The following VWA8 variants were observed in gnomAD, a reference collection of about 807,000 sequenced individuals.
VWA8 encodes von Willebrand factor A domain-containing protein 8.
Under a neutral mutation model 241.5 loss-of-function variants are expected in VWA8, and 221 were observed. The observed-to-expected ratio is 0.91, with a 90% confidence interval of 0.82 to 1.02. The LOEUF is 1.02. Among genes scored for constraint, VWA8 ranks in the 50% least tolerant of loss-of-function variants. The probability of loss-of-function intolerance (pLI) is 0.00; values close to 1 mark genes in which losing one functional copy is unlikely to be tolerated. For synonymous variants in VWA8, 852 were observed against 827.1 expected, an observed-to-expected ratio of 1.03 and a Z score of -0.52; for missense variants, 2,322 against 2,328.7, an observed-to-expected ratio of 1.00 and a Z score of 0.06.
chr13:41,894,226 T>C (rs114459819), intron 4 of VWA8, among the ~76,000 whole-genome samples: 174 of 152,304 alleles, frequency 1.1e-3, no homozygotes, highest in African/African-American at 4.0e-3. Context: ...GCAGCTCCAC[T>C]TTCATTCACC....
intron 43 of VWA8, among the ~76,000 whole-genome samples, chr13:41,570,984 G>GTGAGAAAATA (rs974099014): frequency 2.0e-5 from 3 of 152,162 alleles, no homozygotes; most frequent in Non-Finnish European, 4.4e-5. Context: ...TCCACTTAAA[G>GTGAGAAAATA]TGAGAAAATA....
At chr13:41,833,897 T>C (rs1871598278) in intron 12 of VWA8, among the ~76,000 whole-genome samples, 1 of 152,202 alleles carries the variant, frequency 6.6e-6, no homozygotes, top group Admixed American at 6.5e-5. Flanking sequence ...ATGCCAACTT[T>C]TATGGTGACC....
intron 4 of VWA8, among the ~76,000 whole-genome samples, chr13:41,898,954 C>T (rs56235387): frequency 0.064 from 9,815 of 152,302 alleles, 400 homozygotes; most frequent in East Asian, 0.12. Context: ...TTCCCGCTCG[C>T]GCCTCTTCCT....
chr13:41,632,755 G>A (rs1384277410), intron 37 of VWA8, among the ~76,000 whole-genome samples: 1 of 152,090 alleles, frequency 6.6e-6, no homozygotes, highest in Non-Finnish European at 1.5e-5. Flanking sequence ...TTTCCTCAAG[G>A]CACCTGGAGT....
chr13:41,591,293 T>C (rs1016302946), intron 40 of VWA8, among the ~76,000 whole-genome samples: 3 of 151,928 alleles, frequency 2.0e-5, no homozygotes, highest in Admixed American at 6.6e-5. Flanking sequence ...TTTTCAGAAA[T>C]CTTCTGGATT....
At chr13:41,690,349 A>C in intron 32 of VWA8, 74 bp from the exon 33 acceptor site, 2 of 1,226,194 alleles carry the variant, frequency 1.6e-6, no homozygotes, top group Non-Finnish European at 2.3e-6. Context: ...GACTAAGAAA[A>C]ATTAGATTCT....
rs188341462 is a variant in VWA8 at position 41,603,895 on chromosome 13, C to A, written c.4986+1273G>T. On this transcript the variant is annotated intron_variant, in intron 40 of 44. Coordinates refer to ENST00000379310, the MANE Select transcript of VWA8 (RefSeq NM_015058.2). ...TTCTCCATGAAGCCTTTCCTCATTTCGTCTCATAGCATTGTGTGCAAAATT... is the reference window on the plus strand; with the variant it reads ...TTCTCCATGAAGCCTTTCCTCATTTAGTCTCATAGCATTGTGTGCAAAATT... 3.0e-4 allele frequency among the ~76,000 whole-genome samples: 46 copies of A among 152,244 alleles called. 1 individual carries two copies. The South Asian group carries it at 9.1e-3, about 30-fold the overall frequency.
At chr13:41,822,593 C>A (rs187351647) in intron 14 of VWA8, among the ~76,000 whole-genome samples, 6 of 152,172 alleles carry the variant, frequency 3.9e-5, no homozygotes, top group Admixed American at 3.3e-4. Context: ...GTGGGAAGGA[C>A]AAACAAAGGT....
chr13:41,874,660 A>G (rs1176185969), intron 9 of VWA8, among the ~76,000 whole-genome samples: 2 of 152,160 alleles, frequency 1.3e-5, no homozygotes, highest in African/African-American at 4.8e-5. Flanking sequence ...ATCACATTGG[A>G]TATTGGTCTG....
rs930593809 is a variant in VWA8 at position 41,952,745 on chromosome 13, AT to A, written c.164-2733del. ...ATGGTAACTTGACAATTGGCTGTCC[AT>A]TTTTTTTTTAAAAAAAGTAAAATTC... On this transcript the variant is annotated intron_variant, in intron 1 of 44. Coordinates refer to ENST00000379310, the MANE Select transcript of VWA8 (RefSeq NM_015058.2). 7.2e-4 allele frequency among the ~76,000 whole-genome samples: 108 copies of A among 150,586 alleles called. 1 individual carries two copies. The highest frequency in any genetic ancestry group is 6.8e-3 in the Middle Eastern group (2 of 292).
chr13:41,799,161 T>A (rs1244589974), intron 17 of VWA8, among the ~76,000 whole-genome samples: 1 of 152,208 alleles, frequency 6.6e-6, no homozygotes, highest in Admixed American at 6.5e-5. Flanking sequence ...AAATGTTGTA[T>A]CTGCCAAATC....
chr13:41,884,184 AAATCTCATC>A (rs1874398650), intron 8 of VWA8, among the ~76,000 whole-genome samples: 1 of 152,152 alleles, frequency 6.6e-6, no homozygotes, highest in Admixed American at 6.5e-5. Context: ...GTCCCCACCC[AAATCTCATC>A]TTGAATTGTA....
intron 1 of VWA8, among the ~76,000 whole-genome samples, chr13:41,959,493 C>CAAAAAAAAAAAAAAAAAAAAAAAAA (rs59960898): frequency 1.3e-5 from 1 of 76,474 alleles, no homozygotes; most frequent in Non-Finnish European, 2.5e-5. Context: ...TGAGAAAAAG[C>CAAAAAAAAAAAAAAAAAAAAAAAAA]AAAAAAAAAA....
chr13:41,587,424 T>C, intron 42 of VWA8, 88 bp downstream of exon 42: 2 of 1,548,812 alleles, frequency 1.3e-6, no homozygotes, highest in Admixed American at 1.8e-5. Context: ...AGGATGAAGA[T>C]TTTCATTCAC....
At chr13:41,897,989 T>C (rs1293494622) in intron 4 of VWA8, among the ~76,000 whole-genome samples, 1 of 151,782 alleles carries the variant, frequency 6.6e-6, no homozygotes, top group Non-Finnish European at 1.5e-5. Context: ...GACACAAAGG[T>C]TCTCCACATC....
chr13:41,770,213 C>T (rs1426185895), intron 20 of VWA8, among the ~76,000 whole-genome samples: 1 of 151,366 alleles, frequency 6.6e-6, no homozygotes, highest in African/African-American at 2.4e-5. Context: ...TTTGGGAGGC[C>T]GAGACGTGTG....
At chr13:41,582,368 C>T (rs981831783) in intron 42 of VWA8, among the ~76,000 whole-genome samples, 2 of 152,246 alleles carry the variant, frequency 1.3e-5, no homozygotes, top group South Asian at 2.1e-4. Context: ...ACAAAGCAGA[C>T]GCCAAGAGAG....
intron 9 of VWA8, among the ~76,000 whole-genome samples, chr13:41,883,173 C>G (rs1443252350): frequency 7.2e-5 from 11 of 152,278 alleles, no homozygotes; most frequent in Non-Finnish European, 1.6e-4. Context: ...ACACCAGCCC[C>G]TGTGTGTTTG....
At chr13:41,767,216 C>T (rs2045785056) in intron 20 of VWA8, among the ~76,000 whole-genome samples, 1 of 152,020 alleles carries the variant, frequency 6.6e-6, no homozygotes, top group African/African-American at 2.4e-5. Flanking sequence ...TAACAAATAC[C>T]AATTACAATA....
Sources: gnomAD v4.1 joint callset for allele counts (sites outside exome capture counted in the v4.1 genomes callset) on GRCh38, gnomAD v4.1.1 for gene constraint, MANE v1.5 for transcripts, NCBI Gene and HGNC (gene_info 2026-07-23, HGNC 2026-07-21) for gene names.